PHIP: variants seen among roughly 807,000 people sequenced by gnomAD.
PHIP encodes PHIP subunit of CUL4-Ring ligase complex, also known as PH-interacting protein.
Under a neutral mutation model 236.8 loss-of-function variants are expected in PHIP, and 54 were observed. That is an observed-to-expected ratio of 0.23 (90% CI 0.18 to 0.29). The LOEUF is 0.29. Among genes scored for constraint, PHIP ranks in the 10% least tolerant of loss-of-function variants. The pLI, the probability that PHIP is intolerant of heterozygous loss-of-function variation, is 1.00. For synonymous variants in PHIP, 756 were observed against 718.9 expected (o/e 1.05, Z -0.83); for missense variants, 1,370 against 2,190.8 (o/e 0.63, Z 7.48).
chr6:79,019,760 A>G (rs1401882246), intron 9 of PHIP, among the ~76,000 whole-genome samples: 1 of 152,134 alleles, frequency 6.6e-6, no homozygotes, highest in Non-Finnish European at 1.5e-5. Context: ...CAGTCTACAG[A>G]AAACAGGTTA....
chr6:79,031,687 T>C (rs894524629), intron 7 of PHIP, among the ~76,000 whole-genome samples: 1 of 152,212 alleles, frequency 6.6e-6, no homozygotes, highest in Non-Finnish European at 1.5e-5. Flanking sequence ...ACTTCTGCAC[T>C]TTAGGATGAA....
intron 6 of PHIP, among the ~76,000 whole-genome samples, chr6:79,058,126 A>G (rs1490480811): frequency 6.6e-6 from 1 of 152,114 alleles, no homozygotes; most frequent in Non-Finnish European, 1.5e-5. Context: ...GAGAGAGAGA[A>G]AAAAATTATC....
At chr6:79,070,696 A>T (rs1029151604) in intron 4 of PHIP, among the ~76,000 whole-genome samples, 1 of 152,086 alleles carries the variant, frequency 6.6e-6, no homozygotes, top group Non-Finnish European at 1.5e-5. Flanking sequence ...ACCAAAATCA[A>T]AATCCAGGAT....
chr6:79,071,027 T>A (rs1434147382), intron 4 of PHIP, among the ~76,000 whole-genome samples: 1 of 152,118 alleles, frequency 6.6e-6, no homozygotes, highest in Admixed American at 6.5e-5. Context: ...ATACCACACA[T>A]CTCATTCTCC....
intron 26 of PHIP, 52 bp from the exon 27 acceptor site, chr6:78,969,969 A>G (rs1289912677): frequency 1.9e-6 from 3 of 1,579,498 alleles, no homozygotes; most frequent in Non-Finnish European, 2.6e-6. Context: ...AAAATACCTA[A>G]AAGATGTTCA....
chr6:78,952,989 A>C (rs1174188258), intron 35 of PHIP, among the ~76,000 whole-genome samples: 1 of 149,772 alleles, frequency 6.7e-6, no homozygotes, highest in Non-Finnish European at 1.5e-5. Flanking sequence ...TAATATTTTC[A>C]TTTGTTGTTT....
In PHIP at chr6:78,965,689, T is replaced by C; in HGVS notation, c.3379+14A>G. Reference sequence around the variant, plus strand: ...CTCCATAATGGAGAAACAAAAAGCCTAACACACACTTACCATTATTAGGTA... The same window carrying C: ...CTCCATAATGGAGAAACAAAAAGCCCAACACACACTTACCATTATTAGGTA... On this transcript the variant is annotated intron_variant, in intron 29 of 39. Coordinates refer to ENST00000275034, the MANE Select transcript of PHIP (RefSeq NM_017934.7). The C allele has an allele frequency of 1.4e-6, 2 of 1,452,378 alleles. No individual in the cohort carries two copies. Among genetic ancestry groups the C allele is most frequent in the Middle Eastern group, 1.8e-4 (1 of 5,680 alleles). The allele number at this position is 1,452,378 out of a possible 1,614,324, so 90.0% of individuals were successfully genotyped here. A position where few individuals can be genotyped will look rare whatever the true frequency, so the allele number is the denominator to read the frequency against.
At chr6:79,013,656 T>C (rs1377271382) in intron 15 of PHIP, among the ~76,000 whole-genome samples, 1 of 151,724 alleles carries the variant, frequency 6.6e-6, no homozygotes, top group Admixed American at 6.6e-5. Flanking sequence ...AAAGGTAGAA[T>C]ATTAGTGTGA....
At chr6:78,985,738 G>A (rs1768824374) in intron 21 of PHIP, among the ~76,000 whole-genome samples, 1 of 152,098 alleles carries the variant, frequency 6.6e-6, no homozygotes, top group African/African-American at 2.4e-5. Context: ...AGCTACTTGG[G>A]AGACTGAGGC....
intron 7 of PHIP, among the ~76,000 whole-genome samples, chr6:79,032,703 A>G (rs1247653636): frequency 2.0e-5 from 3 of 151,780 alleles, no homozygotes; most frequent in African/African-American, 7.3e-5. Flanking sequence ...GGATGCAATC[A>G]ACTTCTTCCA....
chr6:78,961,654 T>C (rs1179198496), intron 31 of PHIP, 36 bp downstream of exon 31: 2 of 1,602,352 alleles, frequency 1.2e-6, no homozygotes, highest in Non-Finnish European at 8.5e-7. Flanking sequence ...GATCACCAGC[T>C]TTCCTTTGAT....
intron 7 of PHIP, among the ~76,000 whole-genome samples, chr6:79,035,583 T>C (rs573669431): frequency 1.3e-5 from 2 of 152,324 alleles, no homozygotes; most frequent in East Asian, 3.9e-4. Flanking sequence ...CCTACTGTTA[T>C]CTGGCAGAGT....
At chr6:79,062,616 G>A (rs1278795351) in intron 4 of PHIP, among the ~76,000 whole-genome samples, 2 of 152,182 alleles carry the variant, frequency 1.3e-5, no homozygotes, top group Non-Finnish European at 2.9e-5. Context: ...TTTTCAGGTA[G>A]TGAAACTGAA....
chr6:79,061,173 T>A (rs1262503793), intron 4 of PHIP, among the ~76,000 whole-genome samples: 1 of 152,220 alleles, frequency 6.6e-6, no homozygotes, highest in Non-Finnish European at 1.5e-5. Flanking sequence ...ATACCGGCAT[T>A]TGAAACCATG....
chr6:78,962,186 T>G (rs763046644), intron 30 of PHIP, among the ~76,000 whole-genome samples: 1 of 152,138 alleles, frequency 6.6e-6, no homozygotes, highest in East Asian at 1.9e-4. Context: ...AATCTAACCT[T>G]TGACTTTCTC....
intron 8 of PHIP, 55 bp downstream of exon 8, chr6:79,025,888 A>G (rs1344170715): frequency 4.0e-6 from 5 of 1,261,046 alleles, no homozygotes; most frequent in Non-Finnish European, 5.7e-6. Context: ...CATTAAATTT[A>G]CTTTACATTA....
At chr6:79,001,430 G>A (rs918302040) in intron 17 of PHIP, among the ~76,000 whole-genome samples, 1 of 152,018 alleles carries the variant, frequency 6.6e-6, no homozygotes, top group Non-Finnish European at 1.5e-5. Flanking sequence ...CTCACATCAT[G>A]CTATTATTCC....
At chr6:78,983,185 G>T (rs771814241) in intron 22 of PHIP, 68 bp from the exon 23 acceptor site, 45 of 773,726 alleles carry the variant, frequency 5.8e-5, no homozygotes, top group South Asian at 2.5e-4. Context: ...TTATAAAAAC[G>T]AAAAGAAAGA....
intron 15 of PHIP, among the ~76,000 whole-genome samples, chr6:79,010,196 T>C (rs1770504628): frequency 6.6e-6 from 1 of 151,868 alleles, no homozygotes; most frequent in African/African-American, 2.4e-5. Context: ...TGTACCTATT[T>C]TGAGCTTCTC....
Sources: gnomAD v4.1 joint callset for allele counts (sites outside exome capture counted in the v4.1 genomes callset) on GRCh38, gnomAD v4.1.1 for gene constraint, MANE v1.5 for transcripts, NCBI Gene and HGNC (gene_info 2026-07-23, HGNC 2026-07-21) for gene names.